Variants in CGGBP1 observed in about 807,000 individuals in gnomAD.
CGGBP1 encodes the protein CGG triplet repeat-binding protein 1.
CGGBP1 carries 4 observed loss-of-function variants against 11.4 expected under a neutral mutation model. The ratio of observed to expected loss-of-function variants is 0.35; its 90% CI spans 0.17 to 0.80. CGGBP1 has a LOEUF of 0.80. CGGBP1 is among the 30% of genes least tolerant of loss of function. The pLI, the probability that CGGBP1 is intolerant of heterozygous loss-of-function variation, is 0.52. For synonymous variants in CGGBP1, 76 were observed against 74.1 expected, an observed-to-expected ratio of 1.03 and a Z score of -0.13; for missense variants, 135 against 202.1, an observed-to-expected ratio of 0.67 and a Z score of 2.01.
In CGGBP1 at chr3:88,058,391, A is replaced by T. The variant is rs569874860; in HGVS notation, c.-330-168T>A. Among the ~76,000 whole-genome samples, 597 of 152,258 alleles carry T rather than the reference A, an allele frequency of 3.9e-3. 1 individual carries two copies. Among genetic ancestry groups the T allele is most frequent in the Non-Finnish European group, 6.8e-3 (460 of 68,002 alleles). On this transcript the variant is annotated intron_variant, in intron 1 of 3. Transcript: ENST00000482016. ...CGTTTACCCTAACACTTCCCCTCCCAGGTCCTCCTCGGTGGTCCGCCCGCT... is the reference window on the plus strand; with the variant it reads ...CGTTTACCCTAACACTTCCCCTCCCTGGTCCTCCTCGGTGGTCCGCCCGCT...
intron 3 of CGGBP1, chr3:88,056,290 G>A (rs545504116): frequency 1.8e-4 from 41 of 223,100 alleles, no homozygotes; most frequent in African/African-American, 9.1e-4. Flanking sequence ...CATTATTTAG[G>A]GAAACCTAAT....
chr3:88,134,440 A>G (rs983951269), intron 2 of CGGBP1, among the ~76,000 whole-genome samples: 1 of 152,120 alleles, frequency 6.6e-6, no homozygotes, highest in Non-Finnish European at 1.5e-5. Context: ...GCTCTATCAT[A>G]TGATTTGCCT....
At chr3:88,092,698 ATAATT>A (rs1358725497) in intron 2 of CGGBP1, among the ~76,000 whole-genome samples, 5 of 152,358 alleles carry the variant, frequency 3.3e-5, no homozygotes, top group East Asian at 3.9e-4. Flanking sequence ...ATGTTATAAA[ATAATT>A]TAAGGAGATT....
chr3:88,135,536 T>G, intron 2 of CGGBP1: 1 of 160,852 alleles, frequency 6.2e-6, no homozygotes, highest in Non-Finnish European at 1.4e-5. Context: ...CTATCAATAA[T>G]ACCACTTCAC....
chr3:88,088,842 G>A (rs1351005472), intron 2 of CGGBP1, among the ~76,000 whole-genome samples: 7 of 151,894 alleles, frequency 4.6e-5, no homozygotes, highest in East Asian at 1.9e-4. Flanking sequence ...GCATGATCTC[G>A]GCTCACTGCA....
intron 2 of CGGBP1, among the ~76,000 whole-genome samples, chr3:88,078,951 C>T (rs1419352660): frequency 6.6e-6 from 1 of 151,880 alleles, no homozygotes; most frequent in East Asian, 1.9e-4. Flanking sequence ...ACTAACTTTT[C>T]AGATTTATAG....
At chr3:88,069,804 A>G (rs1367334140) in intron 2 of CGGBP1, among the ~76,000 whole-genome samples, 3 of 152,230 alleles carry the variant, frequency 2.0e-5, no homozygotes, top group Admixed American at 6.5e-5. Context: ...GCAAACCAGT[A>G]GAAGTTATTT....
At chr3:88,087,545 C>T (rs530611132) in intron 2 of CGGBP1, among the ~76,000 whole-genome samples, 68 of 152,226 alleles carry the variant, frequency 4.5e-4, no homozygotes, top group African/African-American at 1.5e-3. Flanking sequence ...AGTGAATGAA[C>T]GATTTCTACA....
intron 2 of CGGBP1, among the ~76,000 whole-genome samples, chr3:88,116,612 T>TGCA (rs764311596): frequency 6.7e-6 from 1 of 149,816 alleles, no homozygotes. Flanking sequence ...TGTATATATG[T>TGCA]TGTGTGTGTG....
At chr3:88,136,115 A>G (rs954161089) in intron 2 of CGGBP1, among the ~76,000 whole-genome samples, 1 of 152,176 alleles carries the variant, frequency 6.6e-6, no homozygotes, top group Non-Finnish European at 1.5e-5. Flanking sequence ...GAGGAAAACT[A>G]TGTTACAGAA....
In CGGBP1 at chr3:88,053,467, A is replaced by G. The variant is rs1455986763; in HGVS notation, c.*2006T>C. 6.6e-6 allele frequency: 1 copy of G among 152,196 alleles called. No homozygotes were observed. The highest frequency in any genetic ancestry group is 1.5e-5 in the Non-Finnish European group (1 of 67,988). 9.4% of individuals were successfully genotyped at this position (152,196 alleles called of 1,614,324 possible). On this transcript the variant is annotated 3_prime_UTR_variant, in exon 4 of 4. Coordinates refer to ENST00000482016, the MANE Select transcript of CGGBP1 (RefSeq NM_001008390.2). ...AAATTTAAGTGATTATCAAATCAGT[A>G]GTAACTACTAAAACTTAAATATGAA... is the stretch of plus-strand genomic sequence containing the variant.
chr3:88,090,430 A>T (rs1405590242), intron 2 of CGGBP1, among the ~76,000 whole-genome samples: 1 of 152,202 alleles, frequency 6.6e-6, no homozygotes, highest in Non-Finnish European at 1.5e-5. Context: ...AAATTTAAAG[A>T]ATAAGGATAT....
chr3:88,129,454 G>A (rs560066141), intron 2 of CGGBP1, among the ~76,000 whole-genome samples: 2 of 151,580 alleles, frequency 1.3e-5, no homozygotes, highest in Non-Finnish European at 2.9e-5. Context: ...AATATGGATC[G>A]TATGTACCTA....
chr3:88,116,559 TATAC>T (rs1214778904), intron 2 of CGGBP1, among the ~76,000 whole-genome samples: 2 of 146,558 alleles, frequency 1.4e-5, no homozygotes, highest in East Asian at 4.0e-4. Flanking sequence ...CATACATATA[TATAC>T]ACACACACAC....
chr3:88,113,265 T>C (rs1705201082), intron 2 of CGGBP1: 9 of 937,732 alleles, frequency 9.6e-6, no homozygotes, highest in Non-Finnish European at 1.1e-5. Flanking sequence ...CCCCTAAATA[T>C]AGCTTATTGG....
intron 2 of CGGBP1, among the ~76,000 whole-genome samples, chr3:88,129,453 C>T (rs1354144937): frequency 6.6e-6 from 1 of 151,118 alleles, no homozygotes; most frequent in South Asian, 2.1e-4. Context: ...TAATATGGAT[C>T]GTATGTACCT....
rs11370327 is a variant in CGGBP1, at chr3:88,129,321, TAA to T, written c.-229+11647_-229+11648del. Reference sequence around the variant, plus strand: ...CAACAAGCTCACAGCTTGCCAGGAGTAAAAAAAAAAAAAAAAAAAAAAAACCC... The same window carrying T: ...CAACAAGCTCACAGCTTGCCAGGAGTAAAAAAAAAAAAAAAAAAAAAACCC... On this transcript the variant is annotated intron_variant, in intron 2 of 3. Transcript: ENST00000462901. Among the ~76,000 whole-genome samples, 10 of 76,926 alleles carry T rather than the reference TAA, an allele frequency of 1.3e-4. No individual in the cohort carries two copies. The East Asian group carries it at 1.6e-3, about 12-fold the overall frequency. The allele number at this position is 76,926 out of a possible 152,430, so 50.5% of individuals were successfully genotyped here.
intron 1 of CGGBP1, among the ~76,000 whole-genome samples, chr3:88,058,526 C>A (rs1193764385): frequency 1.3e-5 from 2 of 152,300 alleles, no homozygotes; most frequent in East Asian, 1.9e-4. Flanking sequence ...CCAAGCCCAG[C>A]ACGCCGGCGC....
At chr3:88,112,993 A>T in intron 2 of CGGBP1, 1 of 655,010 alleles carries the variant, frequency 1.5e-6, no homozygotes, top group Non-Finnish European at 2.5e-6. Flanking sequence ...GTTCAGTACA[A>T]TTTTTTAAAC....
Sources: gnomAD v4.1 joint callset for allele counts (sites outside exome capture counted in the v4.1 genomes callset) on GRCh38, gnomAD v4.1.1 for gene constraint, MANE v1.5 for transcripts, NCBI Gene and HGNC (gene_info 2026-07-23, HGNC 2026-07-21) for gene names.